UHRF2: variants seen among roughly 807,000 people sequenced by gnomAD.
The protein encoded by UHRF2 is E3 ubiquitin-protein ligase UHRF2.
In UHRF2, 23 loss-of-function variants were observed where a neutral mutation model predicts 96.8. The ratio of observed to expected loss-of-function variants is 0.24; its 90% CI spans 0.17 to 0.34. The LOEUF is 0.34. UHRF2 is among the 10% of genes least tolerant of loss of function. The pLI, the probability that UHRF2 is intolerant of heterozygous loss-of-function variation, is 1.00. For missense variants in UHRF2, 685 were observed against 981.5 expected, an observed-to-expected ratio of 0.70 and a Z score of 4.04; for synonymous variants, 385 against 332.6, an observed-to-expected ratio of 1.16 and a Z score of -1.72.
Position 6,413,324 on chromosome 9 carries a change from G to A in UHRF2, c.-167G>A, listed in dbSNP as rs561150084. The A allele has an allele frequency of 1.8e-6, 1 of 545,276 alleles. No individual in the cohort carries two copies. Among genetic ancestry groups the A allele is most frequent in the South Asian group, 8.9e-5 (1 of 11,256 alleles). The allele number at this position is 545,276 out of a possible 1,614,324, so 33.8% of individuals were successfully genotyped here. ...TCGGCTAGTCGGGCGCGCGCGCTGAGAGTCGTCGCCGCCTGTCGGGCCCGG... is the reference window on the plus strand; with the variant it reads ...TCGGCTAGTCGGGCGCGCGCGCTGAAAGTCGTCGCCGCCTGTCGGGCCCGG... On this transcript the variant is annotated 5_prime_UTR_variant, in exon 1 of 16. Coordinates refer to ENST00000276893, the MANE Select transcript of UHRF2 (RefSeq NM_152896.3).
At chr9:6,495,191 A>G (rs1200528006) in intron 10 of UHRF2, 2 of 152,326 alleles carry the variant, frequency 1.3e-5, no homozygotes, top group Admixed American at 1.3e-4. Flanking sequence ...TGTAATGTAC[A>G]TGTTAAGATT....
chr9:6,481,234 C>G (rs139269809), intron 6 of UHRF2, among the ~76,000 whole-genome samples: 1 of 152,272 alleles, frequency 6.6e-6, no homozygotes, highest in African/African-American at 2.4e-5. Flanking sequence ...CCATTTTTCT[C>G]TGGGAATTCT....
chr9:6,493,098 G>A (rs1824762587), intron 9 of UHRF2, among the ~76,000 whole-genome samples: 1 of 152,072 alleles, frequency 6.6e-6, no homozygotes, highest in South Asian at 2.1e-4. Flanking sequence ...GGGAGTTGGA[G>A]ACCAACATGG....
At chr9:6,422,958 C>A in intron 2 of UHRF2, 1 of 298,062 alleles carries the variant, frequency 3.4e-6, no homozygotes. Context: ...CTTTTCAAAT[C>A]TAATAAATTG....
chr9:6,433,566 C>G (rs2041347791), intron 2 of UHRF2, among the ~76,000 whole-genome samples: 1 of 152,116 alleles, frequency 6.6e-6, no homozygotes, highest in Non-Finnish European at 1.5e-5. Flanking sequence ...AGCTTAAAGT[C>G]CTGGCTTTTC....
chr9:6,452,239 GTGCAGCTATAAATAGCCT>G (rs1468130065), intron 3 of UHRF2, among the ~76,000 whole-genome samples: 1 of 152,130 alleles, frequency 6.6e-6, no homozygotes, highest in Non-Finnish European at 1.5e-5. Flanking sequence ...GTTACAAATA[GTGCAGCTATAAATAGCCT>G]TGTGTATCTT....
chr9:6,437,155 A>C (rs531147297), intron 3 of UHRF2, among the ~76,000 whole-genome samples: 1 of 152,350 alleles, frequency 6.6e-6, no homozygotes, highest in East Asian at 1.9e-4. Context: ...TAAGTCATCA[A>C]ACAAGTTCTT....
intron 5 of UHRF2, among the ~76,000 whole-genome samples, chr9:6,476,528 A>G (rs956971633): frequency 1.3e-5 from 2 of 152,186 alleles, no homozygotes; most frequent in African/African-American, 4.8e-5. Flanking sequence ...CTTGATATCA[A>G]ATATTTGGTA....
intron 3 of UHRF2, among the ~76,000 whole-genome samples, chr9:6,445,998 T>TTTTC (rs772184475): frequency 2.3e-5 from 3 of 129,954 alleles, no homozygotes; most frequent in East Asian, 5.2e-4. Flanking sequence ...TTTTTTTTTT[T>TTTTC]TTCCTGTTTT....
rs750031343 is a variant in UHRF2, at chr9:6,460,738, A to G, written c.810A>G (p.Thr270=). 3.7e-6 allele frequency: 6 copies of G among 1,613,948 alleles called. No homozygotes were observed. The highest frequency in any genetic ancestry group is 1.1e-5 in the South Asian group (1 of 91,056). Residue 270 remains threonine, a synonymous_variant, in exon 4 of 16, where the codon ACA becomes ACG. Coordinates refer to ENST00000276893, the MANE Select transcript of UHRF2 (RefSeq NM_152896.3). ...RGFWFDAEIT[T]LKTISRTKKE... Reference sequence around the variant, plus strand: ...TCTGGTTTGATGCAGAAATTACCACATTGAAGACAATCTCAAGGACCAAAA... The same window carrying G: ...TCTGGTTTGATGCAGAAATTACCACGTTGAAGACAATCTCAAGGACCAAAA...
At chr9:6,461,430 C>G (rs978233010) in intron 4 of UHRF2, among the ~76,000 whole-genome samples, 1 of 140,472 alleles carries the variant, frequency 7.1e-6, no homozygotes, top group Non-Finnish European at 1.5e-5. Context: ...TGGAGTGCAG[C>G]GGCATGATCT....
rs918440765 is a variant in UHRF2 at position 6,453,714 on chromosome 9, C to G, written c.645-6859C>G. 4.7e-4 allele frequency among the ~76,000 whole-genome samples: 72 copies of G among 152,114 alleles called. 1 individual carries two copies. The highest frequency in any genetic ancestry group is 1.5e-3 in the African/African-American group (64 of 41,414). ...GGTCAGGAGATTGAGACCATCCTGG[C>G]TAACATGGTGAAACCCCGTCTCTAC... On this transcript the variant is annotated intron_variant, in intron 3 of 15. Coordinates refer to ENST00000276893, the MANE Select transcript of UHRF2 (RefSeq NM_152896.3).
intron 2 of UHRF2, among the ~76,000 whole-genome samples, chr9:6,421,348 A>G (rs1292432297): frequency 2.0e-5 from 3 of 152,240 alleles, no homozygotes; most frequent in African/African-American, 7.2e-5. Context: ...TTTAAAGAGC[A>G]ATAAAGGAAA....
chr9:6,500,620 C>T lies in UHRF2; in HGVS notation c.2074C>T (p.Leu692=), dbSNP rs1247935963. ...AGCAGAAGCAATTGAGGCTTTTCAA[C>T]TAACTCCTCAACAGCAACATCTCAT... ...DSAEAIEAFQ[L]TPQQQHLIRE... is the part of the protein sequence containing the mutation. Residue 692 remains leucine (L), a synonymous_variant, in exon 14 of 16, where the codon CTA becomes TTA. Coordinates refer to ENST00000276893, the MANE Select transcript of UHRF2 (RefSeq NM_152896.3). 6.2e-7 allele frequency: 1 copy of T among 1,613,890 alleles called. No homozygotes were observed. The highest frequency in any genetic ancestry group is 1.7e-5 in the Admixed American group (1 of 60,024).
In UHRF2 at chr9:6,440,132, C is replaced by G. The variant is rs1055677296; in HGVS notation, c.644+5959C>G. Among the ~76,000 whole-genome samples the G allele has an allele frequency of 1.2e-4, 19 of 152,112 alleles. 1 individual carries two copies. The highest frequency in any genetic ancestry group is 6.6e-5 in the Admixed American group (1 of 15,258). ...CTAAATTCACAAAACTGACAGCAGT[C>G]TTGCAAGTAGAGACCCTGAAGCTAT... On this transcript the variant is annotated intron_variant, in intron 3 of 15. Transcript: ENST00000276893.
At chr9:6,416,912 C>T (rs917982270) in intron 1 of UHRF2, among the ~76,000 whole-genome samples, 1 of 152,108 alleles carries the variant, frequency 6.6e-6, no homozygotes, top group Non-Finnish European at 1.5e-5. Context: ...TAGAGGTGGT[C>T]TTAAAATAGA....
chr9:6,422,269 A>G (rs1819971915), intron 2 of UHRF2, among the ~76,000 whole-genome samples: 1 of 152,026 alleles, frequency 6.6e-6, no homozygotes, highest in Admixed American at 6.6e-5. Flanking sequence ...TCCAGTAGAG[A>G]CGGGATTTTA....
chr9:6,462,156 A>G (rs1334292579), intron 4 of UHRF2, among the ~76,000 whole-genome samples: 1 of 152,294 alleles, frequency 6.6e-6, no homozygotes, highest in Admixed American at 6.5e-5. Context: ...TTTTGTAAAT[A>G]AAGTATCATT....
At chr9:6,447,712 A>G (rs1272873821) in intron 3 of UHRF2, among the ~76,000 whole-genome samples, 3 of 152,222 alleles carry the variant, frequency 2.0e-5, no homozygotes, top group Non-Finnish European at 4.4e-5. Flanking sequence ...CCGAGGACAA[A>G]AAAAGGCACA....
Sources: gnomAD v4.1 joint callset for allele counts (sites outside exome capture counted in the v4.1 genomes callset) on GRCh38, gnomAD v4.1.1 for gene constraint, MANE v1.5 for transcripts, NCBI Gene and HGNC (gene_info 2026-07-23, HGNC 2026-07-21) for gene names.